MTM1: variants seen among roughly 807,000 people sequenced by gnomAD.
MTM1 encodes myotubularin 1.
A neutral mutation model predicts 52.1 loss-of-function variants in MTM1; 9 were observed. The ratio of observed to expected loss-of-function variants is 0.17; its 90% CI spans 0.10 to 0.30. MTM1 has a LOEUF of 0.30. Among genes scored for constraint, MTM1 ranks in the 10% least tolerant of loss-of-function variants. MTM1 has a pLI of 1.00. For missense variants in MTM1, 277 were observed against 470.7 expected, an observed-to-expected ratio of 0.59 and a Z score of 3.81; for synonymous variants, 136 against 163.8, an observed-to-expected ratio of 0.83 and a Z score of 1.29.
intron 2 of MTM1, among the ~76,000 whole-genome samples, chrX:150,594,546 A>G (rs1211400129): frequency 8.9e-6 from 1 of 112,353 alleles, no homozygotes; most frequent in African/African-American, 3.2e-5. Context: ...GATCACATAT[A>G]TCAATCTATA....
chrX:150,584,681 A>G (rs2038750074), intron 1 of MTM1, among the ~76,000 whole-genome samples: 1 of 111,263 alleles, frequency 9.0e-6, no homozygotes, highest in South Asian at 3.8e-4. Context: ...GTAAGAAATG[A>G]AATACAATCG....
At chrX:150,639,064 C>T (rs781806026) in intron 7 of MTM1, 38 bp downstream of exon 7, 3 of 1,001,939 alleles carry the variant, frequency 3.0e-6, no homozygotes, top group Non-Finnish European at 4.3e-6. Flanking sequence ...ATGTGATGAA[C>T]CTGAAACATG....
intron 14 of MTM1, among the ~76,000 whole-genome samples, chrX:150,665,486 G>C (rs782512964): frequency 8.9e-6 from 1 of 112,528 alleles, no homozygotes; most frequent in South Asian, 3.7e-4. Flanking sequence ...AGATTAAATC[G>C]CATAGGACTT....
intron 5 of MTM1, among the ~76,000 whole-genome samples, chrX:150,617,462 C>A (rs977839771): frequency 3.6e-5 from 4 of 111,891 alleles, no homozygotes; most frequent in African/African-American, 1.3e-4. Context: ...ACCAATAGCC[C>A]AATTTTCTTG....
chrX:150,672,424 C>G lies in MTM1; in HGVS notation c.*829C>G, dbSNP rs2040409922. 3 of 111,939 alleles carry G rather than the reference C, an allele frequency of 2.7e-5. No individual in the cohort carries two copies. The highest frequency in any genetic ancestry group is 5.6e-5 in the Non-Finnish European group (3 of 53,203). 9.2% of individuals were successfully genotyped at this position (111,939 alleles called of 1,213,427 possible). A position where few individuals can be genotyped will look rare whatever the true frequency, so the allele number is the denominator to read the frequency against. ...TAGGGGAATGTTTTCGCAAATGTTG[C>G]TCTAGTCAGTCCAGCTCATCTGCCA... On this transcript the variant is annotated 3_prime_UTR_variant, in exon 15 of 15. Transcript: ENST00000370396.
intron 6 of MTM1, among the ~76,000 whole-genome samples, chrX:150,626,568 A>G (rs1038739750): frequency 9.0e-6 from 1 of 111,523 alleles, no homozygotes; most frequent in Non-Finnish European, 1.9e-5. Context: ...TCAGCCTCCC[A>G]AAGTGCTGGG....
intron 1 of MTM1, 41 bp from the exon 2 acceptor site, chrX:150,592,564 A>G (rs1352461187): frequency 4.9e-6 from 5 of 1,021,930 alleles, no homozygotes; most frequent in African/African-American, 1.9e-5. Context: ...TTGAAATTGC[A>G]TACAAATTCA....
rs910137318 is a variant in MTM1, at chrX:150,596,406, A to C, written c.64-92A>C. The C allele has an allele frequency of 5.6e-5, 41 of 732,520 alleles. No homozygotes were observed. In the African/African-American group the frequency reaches 8.6e-4, roughly 15 times the overall value. 60.4% of individuals were successfully genotyped at this position (732,520 alleles called of 1,213,427 possible). A position where few individuals can be genotyped will look rare whatever the true frequency, so the allele number is the denominator to read the frequency against. ...AAATCTCTAATGCTTTTTCTTTAAA[A>C]AACATATTTCTAGTGGCTTGTATTC... On this transcript the variant is annotated intron_variant, in intron 2 of 14. Transcript: ENST00000370396.
chrX:150,603,883 G>A (rs782495930), intron 4 of MTM1, among the ~76,000 whole-genome samples: 2 of 111,845 alleles, frequency 1.8e-5, no homozygotes, highest in East Asian at 2.8e-4. Context: ...TCCATGGTGC[G>A]GAGAGCGAGA....
At chrX:150,638,265 A>G (rs1435488379) in intron 6 of MTM1, among the ~76,000 whole-genome samples, 1 of 111,558 alleles carries the variant, frequency 9.0e-6, no homozygotes, top group Non-Finnish European at 1.9e-5. Context: ...GGGGTGGTAG[A>G]GTGGACACTT....
chrX:150,585,310 TC>T (rs1395611399), intron 1 of MTM1, among the ~76,000 whole-genome samples: 1 of 111,527 alleles, frequency 9.0e-6, no homozygotes, highest in African/African-American at 3.3e-5. Flanking sequence ...GTTCCTTTTT[TC>T]CTCCCTCCTC....
upstream of MTM1, among the ~76,000 whole-genome samples, chrX:150,566,194 G>A (rs1451243493): frequency 9.0e-6 from 1 of 111,397 alleles, no homozygotes; most frequent in African/African-American, 3.3e-5. Context: ...GAAGTGTAGT[G>A]GTGCAATCTC....
intron 1 of MTM1, among the ~76,000 whole-genome samples, chrX:150,583,257 TTATATAAATTA>T (rs1557411966): frequency 3.1e-5 from 2 of 64,418 alleles, no homozygotes; most frequent in South Asian, 8.4e-4. Context: ...TTTATATAAT[TTATATAAATTA>T]TATATAAATT....
At chrX:150,586,913 CAAAA>C (rs10618246) in intron 1 of MTM1, among the ~76,000 whole-genome samples, 2 of 60,724 alleles carry the variant, frequency 3.3e-5, no homozygotes. Flanking sequence ...CACTCTGTCT[CAAAA>C]AAAAAAAAAA....
intron 1 of MTM1, among the ~76,000 whole-genome samples, chrX:150,583,520 ATATT>A (rs1353002230): frequency 3.1e-5 from 1 of 32,134 alleles, no homozygotes; most frequent in East Asian, 1.2e-3. Flanking sequence ...TAATTTATAT[ATATT>A]ATATATAAAT....
intron 6 of MTM1, among the ~76,000 whole-genome samples, chrX:150,624,366 A>C (rs1166013616): frequency 8.9e-6 from 1 of 112,395 alleles, no homozygotes; most frequent in African/African-American, 3.2e-5. Flanking sequence ...GATATATTTT[A>C]ATAAATGTCA....
chrX:150,640,754 G>A lies in MTM1; in HGVS notation c.529-515G>A, dbSNP rs782568554. On this transcript the variant is annotated intron_variant, in intron 7 of 14. Coordinates refer to ENST00000370396, the MANE Select transcript of MTM1 (RefSeq NM_000252.3). ...GTGGCGAAATGAGCCTCCCCAGAGG[G>A]ATCTTCCTTTACTTCCCCTCATGAT... Among the ~76,000 whole-genome samples, 138 of 111,601 alleles carry A rather than the reference G, an allele frequency of 1.2e-3. 1 individual carries two copies. The highest frequency in any genetic ancestry group is 1.7e-3 in the Non-Finnish European group (89 of 53,066).
intron 10 of MTM1, among the ~76,000 whole-genome samples, chrX:150,652,884 T>G (rs1557414266): frequency 9.1e-6 from 1 of 109,639 alleles, no homozygotes. Context: ...TACTCTGAGC[T>G]AGATAGAAGG....
chrX:150,628,587 G>T (rs782680176), intron 6 of MTM1, among the ~76,000 whole-genome samples: 50 of 110,941 alleles, frequency 4.5e-4, no homozygotes, highest in Non-Finnish European at 8.1e-4. Context: ...AACACCAAAA[G>T]ATCTGTTTAA....
Sources: gnomAD v4.1 joint callset for allele counts (sites outside exome capture counted in the v4.1 genomes callset) on GRCh38, gnomAD v4.1.1 for gene constraint, MANE v1.5 for transcripts, NCBI Gene and HGNC (gene_info 2026-07-23, HGNC 2026-07-21) for gene names.